The following RPA3 variants were observed in gnomAD, a reference collection of about 807,000 sequenced individuals.
The protein encoded by RPA3 is replication protein A 14 kDa subunit.
In RPA3, 24 loss-of-function variants were observed where a neutral mutation model predicts 13.7. That is an observed-to-expected ratio of 1.75 (90% CI 1.27 to 2.46). The LOEUF is 2.46. RPA3 is among the 30% of genes most tolerant of loss of function. RPA3 has a pLI of 0.00. For missense variants in RPA3, 183 were observed against 151.0 expected (o/e 1.21, Z -1.11); for synonymous variants, 59 against 51.2 (o/e 1.15, Z -0.65).
At chr7:7,658,431 G>T (rs184341868) in intron 4 of RPA3, among the ~76,000 whole-genome samples, 1 of 152,288 alleles carries the variant, frequency 6.6e-6, no homozygotes, top group African/African-American at 2.4e-5. Context: ...CATTCAGTAT[G>T]ATATTGGCTG....
intron 2 of RPA3, among the ~76,000 whole-genome samples, chr7:7,707,892 G>T (rs1780646312): frequency 1.3e-5 from 2 of 152,160 alleles, no homozygotes; most frequent in South Asian, 4.1e-4. Context: ...AAACATTGAG[G>T]CTGCTTTCCA....
chr7:7,665,092 T>C (rs1779407161), intron 4 of RPA3, among the ~76,000 whole-genome samples: 1 of 152,148 alleles, frequency 6.6e-6, no homozygotes, highest in Admixed American at 6.5e-5. Context: ...CACACAGGAA[T>C]TTTAGTCTAT....
chr7:7,675,421 T>A (rs192951840), intron 4 of RPA3, among the ~76,000 whole-genome samples: 80 of 152,282 alleles, frequency 5.3e-4, no homozygotes, highest in Non-Finnish European at 1.0e-3. Context: ...TAGCATGTAG[T>A]CCTGATGAGA....
Position 7,640,318 on chromosome 7 carries a change from A to G in RPA3, c.99+2T>C, listed in dbSNP as rs201797839. On this transcript the variant is annotated splice_donor_variant, in intron 5 of 7. Coordinates refer to ENST00000223129, the MANE Select transcript of RPA3 (RefSeq NM_002947.5). LOFTEE classifies it high-confidence loss of function. ...GGAGCCCATGATTGCGAACCCGCAC[A>G]CCTTTTCCAGCCTCCCTACGAAGCA... The G allele has an allele frequency of 1.5e-5, 24 of 1,613,686 alleles. No individual in the cohort carries two copies. The highest frequency in any genetic ancestry group is 5.0e-5 in the Admixed American group (3 of 59,982).
chr7:7,645,696 G>T (rs1328630841), intron 4 of RPA3, among the ~76,000 whole-genome samples: 1 of 152,130 alleles, frequency 6.6e-6, no homozygotes, highest in African/African-American at 2.4e-5. Flanking sequence ...TAATTGAGAT[G>T]ATTGAAATGA....
intron 6 of RPA3, 161 bp downstream of exon 6, chr7:7,638,909 T>C (rs948287777): frequency 8.9e-6 from 4 of 448,114 alleles, no homozygotes; most frequent in African/African-American, 2.0e-5. Context: ...AAAGGAAATA[T>C]AATGAGAGAA....
chr7:7,676,573 T>C (rs937620006), intron 4 of RPA3, among the ~76,000 whole-genome samples: 8 of 152,202 alleles, frequency 5.3e-5, no homozygotes, highest in Admixed American at 3.9e-4. Context: ...TTCTCTACAA[T>C]TGAAAAGAGA....
chr7:7,642,997 A>G (rs1323922201), intron 4 of RPA3, among the ~76,000 whole-genome samples: 1 of 152,162 alleles, frequency 6.6e-6, no homozygotes, highest in Non-Finnish European at 1.5e-5. Flanking sequence ...TATGTTGACG[A>G]ATGTACGTAG....
intron 4 of RPA3, among the ~76,000 whole-genome samples, chr7:7,666,159 CT>C (rs1440127528): frequency 6.6e-6 from 1 of 151,562 alleles, no homozygotes; most frequent in Non-Finnish European, 1.5e-5. Context: ...TATCTTTGCC[CT>C]TTGCCAACAC....
chr7:7,697,571 C>T (rs1780351573), intron 2 of RPA3, among the ~76,000 whole-genome samples: 1 of 152,022 alleles, frequency 6.6e-6, no homozygotes, highest in African/African-American at 2.4e-5. Flanking sequence ...GGAAGAAGCA[C>T]GAATATGTAC....
At chr7:7,655,730 G>C (rs921041917) in intron 4 of RPA3, among the ~76,000 whole-genome samples, 1 of 152,208 alleles carries the variant, frequency 6.6e-6, no homozygotes, top group East Asian at 1.9e-4. Flanking sequence ...AAGATTAGGA[G>C]TGTTAAATTA....
At chr7:7,662,897 T>C (rs1785510298) in intron 4 of RPA3, among the ~76,000 whole-genome samples, 1 of 152,228 alleles carries the variant, frequency 6.6e-6, no homozygotes, top group African/African-American at 2.4e-5. Flanking sequence ...TAAATATTTA[T>C]AGTATGCTAG....
chr7:7,640,278 C>G (rs1336439185), intron 5 of RPA3, 42 bp downstream of exon 5: 4 of 1,600,618 alleles, frequency 2.5e-6, no homozygotes, highest in Middle Eastern at 1.7e-4. Flanking sequence ...GTCCCTCCCT[C>G]CAGCTACGGA....
At chr7:7,645,697 A>G (rs1392293492) in intron 4 of RPA3, among the ~76,000 whole-genome samples, 1 of 152,184 alleles carries the variant, frequency 6.6e-6, no homozygotes, top group Non-Finnish European at 1.5e-5. Context: ...AATTGAGATG[A>G]TTGAAATGAG....
intron 2 of RPA3, among the ~76,000 whole-genome samples, chr7:7,696,620 A>G (rs1563131551): frequency 1.3e-5 from 2 of 152,116 alleles, no homozygotes; most frequent in Non-Finnish European, 2.9e-5. Context: ...GCTCTTCCTC[A>G]TTTGTTGCCA....
chr7:7,697,639 T>C (rs1014431121), intron 2 of RPA3, among the ~76,000 whole-genome samples: 1 of 152,242 alleles, frequency 6.6e-6, no homozygotes, highest in African/African-American at 2.4e-5. Context: ...TTTTTTAAGC[T>C]GATATTATCA....
chr7:7,678,151 G>A (rs1282685507), intron 4 of RPA3, among the ~76,000 whole-genome samples: 1 of 148,944 alleles, frequency 6.7e-6, no homozygotes, highest in African/African-American at 2.5e-5. Context: ...TAGTTTTTTT[G>A]AGGAATCTCC....
chr7:7,713,600 CTTAA>C (rs535703479), intron 2 of RPA3, among the ~76,000 whole-genome samples: 59 of 151,522 alleles, frequency 3.9e-4, no homozygotes, highest in African/African-American at 1.4e-3. Flanking sequence ...TTGCTCTTAC[CTTAA>C]TTATTTCCTT....
chr7:7,660,038 C>T (rs969011021), intron 4 of RPA3, among the ~76,000 whole-genome samples: 1 of 152,136 alleles, frequency 6.6e-6, no homozygotes, highest in African/African-American at 2.4e-5. Flanking sequence ...TTGCATTGAT[C>T]CCTTTACCAT....
Sources: allele counts gnomAD v4.1 joint callset (sites outside exome capture counted in the v4.1 genomes callset), GRCh38; gene constraint gnomAD v4.1.1; transcripts MANE v1.5; gene names NCBI Gene and HGNC (gene_info 2026-07-23, HGNC 2026-07-21).